UBE2O: variants seen among roughly 807,000 people sequenced by gnomAD.
UBE2O encodes ubiquitin conjugating enzyme E2 O, also known as (E3-independent) E2 ubiquitin-conjugating enzyme.
Under a neutral mutation model 125.8 loss-of-function variants are expected in UBE2O, and 15 were observed. The observed-to-expected ratio is 0.12, with a 90% CI of 0.08 to 0.18. The LOEUF (loss-of-function observed/expected upper bound fraction) is 0.18, where lower values mean the gene tolerates loss of function less well. UBE2O is among the 10% of genes least tolerant of loss of function. The pLI, the probability that UBE2O is intolerant of heterozygous loss-of-function variation, is 1.00. For synonymous variants in UBE2O, 708 were observed against 703.2 expected (o/e 1.01, Z -0.11); for missense variants, 1,280 against 1,723.6 (o/e 0.74, Z 4.56).
At position 76,390,914 on chromosome 17, in the gene UBE2O, G is replaced by A. The variant is rs367812947; in HGVS notation, c.*29C>T. On this transcript the variant is annotated 3_prime_UTR_variant, in exon 18 of 18. Coordinates refer to ENST00000319380, the MANE Select transcript of UBE2O (RefSeq NM_022066.4). ...GCAGGCGGCGGCTGGCCTCTCCCAC[G>A]GTGATGCTCTTTCCTCTGTGCCTGG... 23 of 1,564,104 alleles carry A rather than the reference G, an allele frequency of 1.5e-5. No homozygotes were observed. Among genetic ancestry groups the A allele is most frequent in the African/African-American group, 4.1e-5 (3 of 73,676 alleles).
intron 3 of UBE2O, among the ~76,000 whole-genome samples, chr17:76,403,811 G>A (rs928531692): frequency 6.6e-6 from 1 of 152,122 alleles, no homozygotes. Flanking sequence ...GATGAGCCTG[G>A]CACATCTCAT....
intron 1 of UBE2O, chr17:76,430,479 C>T: frequency 3.8e-6 from 1 of 260,410 alleles, no homozygotes. Flanking sequence ...GCTCCATTTT[C>T]TACAAAATGG....
chr17:76,426,362 G>A (rs2072810743), intron 1 of UBE2O, among the ~76,000 whole-genome samples: 1 of 152,188 alleles, frequency 6.6e-6, no homozygotes, highest in Admixed American at 6.5e-5. Flanking sequence ...CTCTCAGAAT[G>A]TTGCAGGATT....
intron 15 of UBE2O, among the ~76,000 whole-genome samples, chr17:76,394,166 G>A (rs2072164121): frequency 6.6e-6 from 1 of 152,054 alleles, no homozygotes; most frequent in Admixed American, 6.6e-5. Flanking sequence ...ACAGCATCCC[G>A]CTTGGCTGCT....
Position 76,402,275 on chromosome 17 carries a change from T to G in UBE2O, c.687-148A>C. On this transcript the variant is annotated intron_variant, in intron 4 of 17. Transcript: ENST00000319380. The surrounding 1 kb of genome is among the most constrained non-coding windows in gnomAD (Gnocchi z 5.4). ...CTCAGCCCGAGGTAGTACAAGAAACTCTCCCACAACGAACAAGACCCCAAG... is the reference window on the plus strand; with the variant it reads ...CTCAGCCCGAGGTAGTACAAGAAACGCTCCCACAACGAACAAGACCCCAAG... 1 of 734,684 alleles carries G rather than the reference T, an allele frequency of 1.4e-6. No individual in the cohort carries two copies. Among genetic ancestry groups the G allele is most frequent in the South Asian group, 1.8e-5 (1 of 54,236 alleles). 45.5% of individuals were successfully genotyped at this position (734,684 alleles called of 1,614,324 possible). A position where few individuals can be genotyped will look rare whatever the true frequency, so the allele number is the denominator to read the frequency against.
chr17:76,398,873 C>T lies in UBE2O; in HGVS notation c.1747G>A (p.Glu583Lys). 1 of 1,614,132 alleles carries T rather than the reference C, an allele frequency of 6.2e-7. No individual in the cohort carries two copies. The highest frequency in any genetic ancestry group is 8.5e-7 in the Non-Finnish European group (1 of 1,180,014). Residue 583 changes from glutamate to lysine, a missense_variant, in exon 10 of 18, where the codon GAG becomes AAG. Glu to Lys is a moderately conservative substitution (Grantham distance 56). Coordinates refer to ENST00000319380, the MANE Select transcript of UBE2O (RefSeq NM_022066.4). The surrounding 1 kb of genome is among the most constrained non-coding windows in gnomAD (Gnocchi z 5.4). ...ACCACGAAGTCTCCAGGGCAGAACT[C>T]GTTGTTGTCCAGGTGGTGCACAGGG... ...LFPVHHLDNN[E>K]FCPGDFVVDK...
intron 1 of UBE2O, among the ~76,000 whole-genome samples, chr17:76,438,451 A>G (rs1274575032): frequency 1.3e-5 from 2 of 151,358 alleles, no homozygotes; most frequent in African/African-American, 4.9e-5. Context: ...TCTGTCTCCC[A>G]CCTCCCCCAC....
intron 1 of UBE2O, among the ~76,000 whole-genome samples, chr17:76,439,754 G>C (rs187544948): frequency 6.6e-6 from 1 of 152,118 alleles, no homozygotes; most frequent in Non-Finnish European, 1.5e-5. Context: ...CGCCCAGGAC[G>C]CCCTGCCCTC....
At chr17:76,413,999 G>T (rs1047495903) in intron 1 of UBE2O, among the ~76,000 whole-genome samples, 7 of 152,188 alleles carry the variant, frequency 4.6e-5, no homozygotes, top group Non-Finnish European at 1.0e-4. Flanking sequence ...AATTCCGGCT[G>T]GTGCCAGTGT....
intron 1 of UBE2O, among the ~76,000 whole-genome samples, chr17:76,417,581 A>G (rs2072636263): frequency 6.6e-6 from 1 of 152,198 alleles, no homozygotes. Context: ...ACCCACCACC[A>G]GTGATAAGAG....
At chr17:76,420,370 G>T (rs757644215) in intron 1 of UBE2O, among the ~76,000 whole-genome samples, 1 of 151,930 alleles carries the variant, frequency 6.6e-6, no homozygotes, top group African/African-American at 2.4e-5. Flanking sequence ...AGTGCAGGGG[G>T]GCCTATCTTC....
rs1221473680 is a variant in UBE2O at position 76,401,151 on chromosome 17, G to A, written c.754C>T (p.Leu252Phe). The change falls in exon 6 of 18, where the codon CTC becomes TTC. Residue 252 changes from leucine to phenylalanine, a missense_variant. Around this residue, in one of 10 missense-constraint regions of UBE2O, gnomAD observed 206 missense variants for 315.7 expected, o/e 0.65. Transcript: ENST00000319380. ...DVCPHVSDSG[L>F]FFDDSYGFYP... ...AAGCCATAGGAATCATCGAAGAAGA[G>A]ACCCTGCGGGATGTGGGGCCAAAGG... The A allele has an allele frequency of 1.2e-6, 2 of 1,613,336 alleles. No homozygotes were observed. The highest frequency in any genetic ancestry group is 2.2e-5 in the East Asian group (1 of 44,866).
chr17:76,394,415 G>A (rs1044548547), intron 15 of UBE2O, among the ~76,000 whole-genome samples: 3 of 152,178 alleles, frequency 2.0e-5, no homozygotes, highest in Non-Finnish European at 4.4e-5. Context: ...GAGACACTAG[G>A]CCCCGTCCAC....
Position 76,390,897 on chromosome 17 carries a change from C to A in UBE2O, c.*46G>T. The A allele has an allele frequency of 2.6e-6, 4 of 1,538,014 alleles. No homozygotes were observed. Among genetic ancestry groups the A allele is most frequent in the Non-Finnish European group, 3.5e-6 (4 of 1,142,952 alleles). ...ATTCCGGGGGGGAGTGAGCAGGCGG[C>A]GGCTGGCCTCTCCCACGGTGATGCT... On this transcript the variant is annotated 3_prime_UTR_variant, in exon 18 of 18. Transcript: ENST00000319380.
In UBE2O at chr17:76,400,071, C is replaced by T. The variant is rs2143703776; in HGVS notation, c.1155+76G>A. 1 of 1,564,714 alleles carries T rather than the reference C, an allele frequency of 6.4e-7. No homozygotes were observed. The highest frequency in any genetic ancestry group is 2.2e-5 in the East Asian group (1 of 44,536). ...TGCCCCCCAAGGCCTAAAGCACAGA[C>T]TGTCCTTCTTGGCCATGGAAATGGC... On this transcript the variant is annotated intron_variant, in intron 8 of 17. Coordinates refer to ENST00000319380, the MANE Select transcript of UBE2O (RefSeq NM_022066.4). This position sits in a 1 kb window ranked among gnomAD's most constrained non-coding sequence, Gnocchi z 4.3.
Position 76,405,667 on chromosome 17 carries a change from ACTG to A in UBE2O, c.418-98_418-96del. 9.3e-7 allele frequency: 1 copy of A among 1,078,594 alleles called. No homozygotes were observed. The highest frequency in any genetic ancestry group is 1.4e-5 in the South Asian group (1 of 72,498). 66.8% of individuals were successfully genotyped at this position (1,078,594 alleles called of 1,614,324 possible). On this transcript the variant is annotated intron_variant, in intron 1 of 17. Transcript: ENST00000319380. The surrounding 1 kb of genome is among the most constrained non-coding windows in gnomAD (Gnocchi z 6.1). ...TTCTGAAGGAAAGCGTCACATCCAC[ACTG>A]CTAAGTGCACAAATCCTAAGCGTTT... is the stretch of plus-strand genomic sequence containing the variant.
At chr17:76,397,288 A>G (rs1391484981) in intron 13 of UBE2O, among the ~76,000 whole-genome samples, 1 of 152,176 alleles carries the variant, frequency 6.6e-6, no homozygotes, top group African/African-American at 2.4e-5. Flanking sequence ...GGGGCAAGCC[A>G]TTCCCGCCCC....
Position 76,437,471 on chromosome 17 carries a change from GA to G in UBE2O, c.417+15253del, listed in dbSNP as rs368650758. ...TCTCAAAAAAAAAAAAAAAGAAAAAGAAAAAAAAAGGCAATTATGTTAAATG... is the reference window on the plus strand; with the variant it reads ...TCTCAAAAAAAAAAAAAAAGAAAAAGAAAAAAAAGGCAATTATGTTAAATG... On this transcript the variant is annotated intron_variant, in intron 1 of 17. Transcript: ENST00000319380. Among the ~76,000 whole-genome samples, 824 of 147,068 alleles carry G rather than the reference GA, an allele frequency of 5.6e-3. 5 individuals are homozygous for G. The highest frequency in any genetic ancestry group is 0.02 in the African/African-American group (786 of 39,898).
intron 1 of UBE2O, among the ~76,000 whole-genome samples, chr17:76,415,828 T>TGTGTGTGTGTGTGTGTGC (rs1491320241): frequency 6.6e-6 from 1 of 151,172 alleles, no homozygotes; most frequent in African/African-American, 2.4e-5. Flanking sequence ...TGTGTGTGTG[T>TGTGTGTGTGTGTGTGTGC]GCATACACAT....
Sources: gnomAD v4.1 joint callset for allele counts (sites outside exome capture counted in the v4.1 genomes callset) on GRCh38, gnomAD v4.1.1 for gene constraint, gnomAD v4.1.1 regional missense constraint, Gnocchi (gnomAD v3.1) non-coding constraint, MANE v1.5 for transcripts, NCBI Gene and HGNC (gene_info 2026-07-23, HGNC 2026-07-21) for gene names.